The following SMARCB1 variants were observed in gnomAD, a reference collection of about 807,000 sequenced individuals.
SMARCB1 encodes the protein SWI/SNF related BAF chromatin remodeling complex subunit B1.
SMARCB1 carries 5 observed loss-of-function variants against 49.0 expected under a neutral mutation model. The ratio of observed to expected loss-of-function variants is 0.10; its 90% CI spans 0.05 to 0.21. SMARCB1 has a LOEUF of 0.21. Among genes scored for constraint, SMARCB1 ranks in the 10% least tolerant of loss-of-function variants. The pLI is 1.00. For missense variants in SMARCB1, 226 were observed against 509.2 expected (o/e 0.44, Z 5.35); for synonymous variants, 201 against 200.1 (o/e 1.00, Z -0.04).
chr22:23,791,615 G>A, intron 1 of SMARCB1, 141 bp from the exon 2 acceptor site: 1 of 807,084 alleles, frequency 1.2e-6, no homozygotes. Flanking sequence ...AGCAGAATGT[G>A]TTTTAATGCT....
At chr22:23,803,064 G>A (rs534422205) in intron 4 of SMARCB1, 3 of 615,272 alleles carry the variant, frequency 4.9e-6, no homozygotes, top group Non-Finnish European at 2.9e-6. Context: ...TGCCCAGGTC[G>A]ATTCTATTGC....
At position 23,834,656 on chromosome 22, in the gene SMARCB1, G is replaced by A; in HGVS notation, c.*476G>A. The A allele has an allele frequency of 1.1e-6, 1 of 945,884 alleles. No homozygotes were observed. The highest frequency in any genetic ancestry group is 2.6e-5 in the East Asian group (1 of 38,060). 58.6% of individuals were successfully genotyped at this position (945,884 alleles called of 1,614,324 possible). A position where few individuals can be genotyped will look rare whatever the true frequency, so the allele number is the denominator to read the frequency against. ...ACCCTCCTCTGCCTCAGATTCCCAA[G>A]TGGGCAGGTGGGGGTGAATGGGGCT... On this transcript the variant is annotated 3_prime_UTR_variant, in exon 9 of 9. Coordinates refer to ENST00000644036, the MANE Select transcript of SMARCB1 (RefSeq NM_003073.5).
intron 1 of SMARCB1, among the ~76,000 whole-genome samples, chr22:23,789,897 C>T (rs1251068932): frequency 1.3e-5 from 2 of 152,224 alleles, no homozygotes; most frequent in Non-Finnish European, 2.9e-5. Context: ...TACCCAGTGC[C>T]TCCATGCGCC....
At chr22:23,832,243 G>A (rs1054719970) in intron 7 of SMARCB1, among the ~76,000 whole-genome samples, 1 of 152,166 alleles carries the variant, frequency 6.6e-6, no homozygotes, top group African/African-American at 2.4e-5. Context: ...CTGTGAGAAG[G>A]TCCCTGGCCC....
At position 23,837,126 on chromosome 22, in the gene SMARCB1, G is replaced by A. The variant is rs1453437694; in HGVS notation, c.*2946G>A. 6.2e-7 allele frequency: 1 copy of A among 1,613,892 alleles called. No individual in the cohort carries two copies. Among genetic ancestry groups the A allele is most frequent in the Non-Finnish European group, 8.5e-7 (1 of 1,179,934 alleles). ...GCTGGTTGGGGAAGACGTCCTCCAG[G>A]AAGTAGTAGATATGGCCCACCGCAA... On this transcript the variant is annotated 3_prime_UTR_variant, in exon 9 of 9. Coordinates refer to ENST00000644036, the MANE Select transcript of SMARCB1 (RefSeq NM_003073.5).
rs2031106399 is a variant in SMARCB1, at chr22:23,837,010, CGGTGGGGATCCTTCTGAG to C, written c.*2839_*2856del. 7.8e-7 allele frequency: 1 copy of C among 1,285,338 alleles called. No individual in the cohort carries two copies. The highest frequency in any genetic ancestry group is 1.1e-6 in the Non-Finnish European group (1 of 945,390). 79.6% of individuals were successfully genotyped at this position (1,285,338 alleles called of 1,614,324 possible). A position where few individuals can be genotyped will look rare whatever the true frequency, so the allele number is the denominator to read the frequency against. On this transcript the variant is annotated 3_prime_UTR_variant, in exon 9 of 9. Coordinates refer to ENST00000644036, the MANE Select transcript of SMARCB1 (RefSeq NM_003073.5). ...AGCACAGGCCAGCACAGGTCCCCATCGGTGGGGATCCTTCTGAGGGTGGGGAGAGGGAGGGAGGGCTCT... is the reference window on the plus strand; with the variant it reads ...AGCACAGGCCAGCACAGGTCCCCATCGGTGGGGAGAGGGAGGGAGGGCTCT...
chr22:23,800,343 C>A (rs1230068622), intron 3 of SMARCB1, among the ~76,000 whole-genome samples: 1 of 152,252 alleles, frequency 6.6e-6, no homozygotes, highest in African/African-American at 2.4e-5. Context: ...ACTTCTACTG[C>A]TGTGGAAGCT....
intron 5 of SMARCB1, chr22:23,803,970 G>C (rs943806201): frequency 1.6e-5 from 3 of 188,956 alleles, no homozygotes; most frequent in Non-Finnish European, 3.4e-5. Flanking sequence ...ATGCATCCCA[G>C]GTGTCTAGAC....
At position 23,807,459 on chromosome 22, in the gene SMARCB1, C is replaced by T. The variant is rs115135312; in HGVS notation, c.628+4037C>T. Among the ~76,000 whole-genome samples, 1,129 of 152,148 alleles carry T rather than the reference C, an allele frequency of 7.4e-3. 12 individuals carry two copies. The highest frequency in any genetic ancestry group is 0.025 in the African/African-American group (1,022 of 41,510). On this transcript the variant is annotated intron_variant, in intron 5 of 8. Transcript: ENST00000644036. ...ATGTGGTAGCACGTGCCTGTGATCT[C>T]AGCTACTTGGGAGGCTGAGGTGGGA...
Position 23,807,961 on chromosome 22 carries a change from AT to A in SMARCB1, c.628+4557del, listed in dbSNP as rs374625560. 3.0e-3 allele frequency among the ~76,000 whole-genome samples: 315 copies of A among 105,228 alleles called. 2 individuals are homozygous for A. Among genetic ancestry groups the A allele is most frequent in the African/African-American group, 7.5e-3 (199 of 26,528 alleles). The allele number at this position is 105,228 out of a possible 152,430, so 69.0% of individuals were successfully genotyped here. ...AGGTGCCCACCACCACACCCGGCTA[AT>A]TTTTTTTTTTTTTTTTTGAGACGGA... On this transcript the variant is annotated intron_variant, in intron 5 of 8. Transcript: ENST00000644036.
rs2030881652 is a variant in SMARCB1, at chr22:23,834,520, G to T, written c.*340G>T. 1.7e-6 allele frequency: 1 copy of T among 578,838 alleles called. No homozygotes were observed. The highest frequency in any genetic ancestry group is 2.3e-5 in the Admixed American group (1 of 43,922). 35.9% of individuals were successfully genotyped at this position (578,838 alleles called of 1,614,324 possible). ...AGGTCATGTTCAATTTCTTCAACAGGTCATGTTCAATTTCTTCAAAGTTTT... is the reference window on the plus strand; with the variant it reads ...AGGTCATGTTCAATTTCTTCAACAGTTCATGTTCAATTTCTTCAAAGTTTT... On this transcript the variant is annotated 3_prime_UTR_variant, in exon 9 of 9. Coordinates refer to ENST00000644036, the MANE Select transcript of SMARCB1 (RefSeq NM_003073.5).
Position 23,837,947 on chromosome 22 carries a change from C to T in SMARCB1, c.*3767C>T. 1 of 1,331,926 alleles carries T rather than the reference C, an allele frequency of 7.5e-7. No individual in the cohort carries two copies. The highest frequency in any genetic ancestry group is 1.0e-6 in the Non-Finnish European group (1 of 984,112). 82.5% of individuals were successfully genotyped at this position (1,331,926 alleles called of 1,614,324 possible). A position where few individuals can be genotyped will look rare whatever the true frequency, so the allele number is the denominator to read the frequency against. On this transcript the variant is annotated 3_prime_UTR_variant, in exon 9 of 9. Coordinates refer to ENST00000644036, the MANE Select transcript of SMARCB1 (RefSeq NM_003073.5). ...GACCCTGGAATTCTTCCCCTCATCT[C>T]CCCTATGTGCTATTCCCTCATCAAG...
At chr22:23,833,372 G>A (rs570823187) in intron 7 of SMARCB1, among the ~76,000 whole-genome samples, 200 bp from the exon 8 acceptor site, 3 of 152,332 alleles carry the variant, frequency 2.0e-5, no homozygotes, top group South Asian at 2.1e-4. Context: ...GGAAGCCCAT[G>A]GGGTCATGGC....
chr22:23,802,581 G>C (rs1929235663), intron 4 of SMARCB1: 1 of 160,038 alleles, frequency 6.2e-6, no homozygotes, highest in South Asian at 1.8e-4. Context: ...TTCATGCCTG[G>C]CACTCAGCTC....
chr22:23,798,985 C>G (rs1052553828), intron 3 of SMARCB1, among the ~76,000 whole-genome samples: 26 of 151,336 alleles, frequency 1.7e-4, no homozygotes, highest in Non-Finnish European at 2.1e-4. Context: ...GGGAGGCAGA[C>G]CTTGCATTGA....
chr22:23,787,300 C>A, intron 1 of SMARCB1, 38 bp downstream of exon 1: 1 of 1,328,078 alleles, frequency 7.5e-7, no homozygotes, highest in Non-Finnish European at 1.1e-6. Context: ...CCGGGCTCGG[C>A]CCCGCGGGAG....
chr22:23,825,730 A>T, intron 7 of SMARCB1: 2 of 410,050 alleles, frequency 4.9e-6, no homozygotes, highest in East Asian at 4.3e-5. Flanking sequence ...GTCCTGCCCC[A>T]CACCCTCTCT....
Position 23,835,202 on chromosome 22 carries a change from G to A in SMARCB1, c.*1022G>A. The A allele has an allele frequency of 7.8e-7, 1 of 1,274,968 alleles. No individual in the cohort carries two copies. The highest frequency in any genetic ancestry group is 9.9e-7 in the Non-Finnish European group (1 of 1,012,218). 79.0% of individuals were successfully genotyped at this position (1,274,968 alleles called of 1,614,324 possible). ...GTCCCTTCCCAGCCCTGCCTCCAAG[G>A]AGTTCATGTCCCCTCTGTTCTCATC... On this transcript the variant is annotated 3_prime_UTR_variant, in exon 9 of 9. Coordinates refer to ENST00000644036, the MANE Select transcript of SMARCB1 (RefSeq NM_003073.5).
intron 6 of SMARCB1, chr22:23,817,239 G>T (rs1181552872): frequency 9.6e-6 from 5 of 519,394 alleles, no homozygotes; most frequent in Non-Finnish European, 1.7e-5. Context: ...GCCAGGCTGA[G>T]TGCTCCAGGG....
Sources: allele counts gnomAD v4.1 joint callset (sites outside exome capture counted in the v4.1 genomes callset), GRCh38; gene constraint gnomAD v4.1.1; transcripts MANE v1.5; gene names NCBI Gene and HGNC (gene_info 2026-07-23, HGNC 2026-07-21).